LRRC4C: variants seen among roughly 807,000 people sequenced by gnomAD.
LRRC4C encodes leucine-rich repeat-containing protein 4C.
LRRC4C carries 5 observed loss-of-function variants against 33.6 expected under a neutral mutation model. The ratio of observed to expected loss-of-function variants is 0.15; its 90% confidence interval spans 0.08 to 0.31. The LOEUF (loss-of-function observed/expected upper bound fraction) is 0.31. Ranked by LOEUF, LRRC4C falls within the 10% of genes least tolerant of loss-of-function variation. The pLI is 1.00. For missense variants in LRRC4C, 560 were observed against 796.7 expected (o/e 0.70, Z 3.58); for synonymous variants, 329 against 302.0 (o/e 1.09, Z -0.93).
chr11:41,112,207 C>T (rs1420262641), intron 1 of LRRC4C, among the ~76,000 whole-genome samples: 2 of 152,060 alleles, frequency 1.3e-5, no homozygotes, highest in Non-Finnish European at 2.9e-5. Flanking sequence ...GTCACCCCTA[C>T]ATCCAATGAG....
At chr11:40,760,203 T>G (rs968315242) in intron 2 of LRRC4C, among the ~76,000 whole-genome samples, 27 of 152,186 alleles carry the variant, frequency 1.8e-4, no homozygotes, top group African/African-American at 6.5e-4. Context: ...GTTTGAAAAT[T>G]GTCAAAAAAT....
At chr11:40,964,627 T>G (rs918497968) in intron 1 of LRRC4C, among the ~76,000 whole-genome samples, 1 of 151,060 alleles carries the variant, frequency 6.6e-6, no homozygotes, top group East Asian at 2.0e-4. Context: ...GGTGTTTGGT[T>G]TTTTGTCCTT....
rs766058940 is a variant in LRRC4C at position 41,305,844 on chromosome 11, A to G, written c.-496+153587T>C. On this transcript the variant is annotated intron_variant, in intron 1 of 6. Transcript: ENST00000528697. ...TTTATCTGCTGACCTTCCCTCCACT[A>G]TTGTCCCATGACCCTGCCAAATCCC... is the stretch of plus-strand genomic sequence containing the variant. Among the ~76,000 whole-genome samples the G allele has an allele frequency of 5.0e-3, 660 of 133,310 alleles. 4 individuals are homozygous for G. Among genetic ancestry groups the G allele is most frequent in the African/African-American group, 0.016 (583 of 36,946 alleles). The allele number at this position is 133,310 out of a possible 152,430, so 87.5% of individuals were successfully genotyped here.
chr11:41,094,197 A>G (rs1940646906), intron 1 of LRRC4C, among the ~76,000 whole-genome samples: 1 of 151,874 alleles, frequency 6.6e-6, no homozygotes, highest in Non-Finnish European at 1.5e-5. Context: ...CAAATCAACT[A>G]TATTCTCCTT....
chr11:40,557,647 C>T (rs1957382593), intron 3 of LRRC4C, among the ~76,000 whole-genome samples: 1 of 151,660 alleles, frequency 6.6e-6, no homozygotes, highest in African/African-American at 2.4e-5. Context: ...GGAAAGTGAG[C>T]TTCTCTGACA....
intron 1 of LRRC4C, among the ~76,000 whole-genome samples, chr11:40,988,450 C>T (rs910902000): frequency 6.6e-6 from 1 of 152,154 alleles, no homozygotes; most frequent in Non-Finnish European, 1.5e-5. Context: ...GTACTCCCTT[C>T]TTAGTAGAGG....
intron 2 of LRRC4C, among the ~76,000 whole-genome samples, chr11:40,881,313 A>G (rs1042866272): frequency 3.3e-5 from 5 of 152,088 alleles, no homozygotes; most frequent in Non-Finnish European, 4.4e-5. Context: ...TTTGTTGATT[A>G]TTGTGTATCC....
At chr11:40,579,429 T>C (rs569995882) in intron 3 of LRRC4C, among the ~76,000 whole-genome samples, 2 of 151,700 alleles carry the variant, frequency 1.3e-5, no homozygotes, top group South Asian at 4.2e-4. Context: ...TAACAGTTTA[T>C]GGTGGTCTCA....
chr11:41,417,843 AT>A (rs1954740439), intron 1 of LRRC4C, among the ~76,000 whole-genome samples: 2 of 150,914 alleles, frequency 1.3e-5, no homozygotes, highest in Admixed American at 6.6e-5. Flanking sequence ...TTTAATCCCT[AT>A]TTTTTTCTAT....
At chr11:41,337,631 G>A (rs1412575433) in intron 1 of LRRC4C, among the ~76,000 whole-genome samples, 2 of 152,070 alleles carry the variant, frequency 1.3e-5, no homozygotes, top group African/African-American at 4.8e-5. Flanking sequence ...GCATGGGCAA[G>A]GGTTTCATTA....
chr11:40,686,263 T>A (rs1360442895), intron 2 of LRRC4C, among the ~76,000 whole-genome samples: 1 of 152,078 alleles, frequency 6.6e-6, no homozygotes, highest in African/African-American at 2.4e-5. Context: ...TCTTGATACA[T>A]GTTTGCTATT....
chr11:40,412,707 A>G (rs1950195728), intron 3 of LRRC4C, among the ~76,000 whole-genome samples: 1 of 151,950 alleles, frequency 6.6e-6, no homozygotes, highest in South Asian at 2.1e-4. Context: ...AGTTAAGAGC[A>G]TTTGTCCCGG....
At position 40,682,270 on chromosome 11, in the gene LRRC4C, GA is replaced by G. The variant is rs201342953; in HGVS notation, c.-406-33993del. On this transcript the variant is annotated intron_variant, in intron 2 of 6. Transcript: ENST00000528697. ...GGGTGACAAAGTGAGGCCCCACCTT[GA>G]AAAAAAAAAAAAGCATAAAAGTAAC... Among the ~76,000 whole-genome samples the G allele has an allele frequency of 3.5e-3, 450 of 126,988 alleles. 6 individuals carry two copies. Among genetic ancestry groups the G allele is most frequent in the East Asian group, 0.023 (96 of 4,260 alleles). 83.3% of individuals were successfully genotyped at this position (126,988 alleles called of 152,430 possible). A position where few individuals can be genotyped will look rare whatever the true frequency, so the allele number is the denominator to read the frequency against.
chr11:40,376,721 ATGTGTGTG>A (rs61662311), intron 3 of LRRC4C, among the ~76,000 whole-genome samples: 1 of 147,770 alleles, frequency 6.8e-6, no homozygotes, highest in Non-Finnish European at 1.5e-5. Context: ...GTGTGTGCTT[ATGTGTGTG>A]TGTGTGTGTG....
intron 2 of LRRC4C, among the ~76,000 whole-genome samples, chr11:40,799,676 G>T (rs181934385): frequency 6.6e-6 from 1 of 152,106 alleles, no homozygotes; most frequent in South Asian, 2.1e-4. Flanking sequence ...TGCCATGTTG[G>T]CCAGGCTGGT....
chr11:40,694,640 C>T (rs1945399565), intron 2 of LRRC4C, among the ~76,000 whole-genome samples: 1 of 152,090 alleles, frequency 6.6e-6, no homozygotes, highest in African/African-American at 2.4e-5. Context: ...AACTCAAGTT[C>T]CAAGTGCCAC....
chr11:40,356,010 A>G (rs775649965), intron 3 of LRRC4C, among the ~76,000 whole-genome samples: 4 of 120,738 alleles, frequency 3.3e-5, no homozygotes, highest in African/African-American at 9.2e-5. Context: ...GATTAAGTGC[A>G]TAAACTGAGA....
At chr11:41,293,394 G>T (rs1395514127) in intron 1 of LRRC4C, among the ~76,000 whole-genome samples, 1 of 151,882 alleles carries the variant, frequency 6.6e-6, no homozygotes, top group Admixed American at 6.6e-5. Flanking sequence ...CATACGGTAA[G>T]AATTTAGAAA....
intron 1 of LRRC4C, among the ~76,000 whole-genome samples, chr11:41,275,382 C>G (rs991619716): frequency 6.6e-6 from 1 of 152,086 alleles, no homozygotes; most frequent in Non-Finnish European, 1.5e-5. Context: ...CTAAATGGAA[C>G]TTTTTGCAAC....
Sources: gnomAD v4.1 joint callset for allele counts (sites outside exome capture counted in the v4.1 genomes callset) on GRCh38, gnomAD v4.1.1 for gene constraint, MANE v1.5 for transcripts, NCBI Gene and HGNC (gene_info 2026-07-23, HGNC 2026-07-21) for gene names.